SPATA17: variants seen among roughly 807,000 people sequenced by gnomAD.
The protein encoded by SPATA17 is spermatogenesis-associated protein 17.
Under a neutral mutation model 62.2 loss-of-function variants are expected in SPATA17, and 53 were observed. That is an observed-to-expected ratio of 0.85 (90% CI 0.68 to 1.07). The LOEUF is 1.07. Among genes scored for constraint, SPATA17 ranks in the 50% least tolerant of loss-of-function variants. SPATA17 has a pLI of 0.00. For synonymous variants in SPATA17, 146 were observed against 146.8 expected (o/e 0.99, Z 0.04); for missense variants, 466 against 425.5 (o/e 1.10, Z -0.84).
chr1:217,788,498 C>A (rs751242114), intron 8 of SPATA17, among the ~76,000 whole-genome samples: 4 of 151,980 alleles, frequency 2.6e-5, no homozygotes, highest in Non-Finnish European at 4.4e-5. Flanking sequence ...GGAGATTATC[C>A]TAGATTATCA....
At chr1:217,781,766 G>A (rs1293205950) in intron 7 of SPATA17, among the ~76,000 whole-genome samples, 1 of 152,058 alleles carries the variant, frequency 6.6e-6, no homozygotes, top group Non-Finnish European at 1.5e-5. Flanking sequence ...TTTATAGAAG[G>A]GCTGTTGGAA....
chr1:217,851,663 G>A (rs887192248), intron 9 of SPATA17, among the ~76,000 whole-genome samples: 4 of 152,136 alleles, frequency 2.6e-5, no homozygotes, highest in Non-Finnish European at 5.9e-5. Flanking sequence ...CCTGCTGTGA[G>A]ACTAATTTCT....
At chr1:217,853,819 T>C (rs1675717214) in intron 9 of SPATA17, among the ~76,000 whole-genome samples, 1 of 152,206 alleles carries the variant, frequency 6.6e-6, no homozygotes, top group Non-Finnish European at 1.5e-5. Flanking sequence ...CTATAACTCA[T>C]GCTTGAATGA....
At chr1:217,701,477 C>A (rs1425967312) in intron 5 of SPATA17, among the ~76,000 whole-genome samples, 1 of 151,832 alleles carries the variant, frequency 6.6e-6, no homozygotes, top group Non-Finnish European at 1.5e-5. Context: ...CCTCCACCTC[C>A]CAGGTTCAAG....
chr1:217,776,276 C>T (rs564501264), intron 7 of SPATA17, among the ~76,000 whole-genome samples: 5 of 152,214 alleles, frequency 3.3e-5, no homozygotes, highest in African/African-American at 9.6e-5. Flanking sequence ...GGTCTATCAT[C>T]CCAATCAATA....
chr1:217,703,292 C>A (rs909190516), intron 5 of SPATA17, among the ~76,000 whole-genome samples: 1 of 151,506 alleles, frequency 6.6e-6, no homozygotes, highest in Admixed American at 6.6e-5. Flanking sequence ...CTGCCTCAGC[C>A]TCCCGAGTAA....
intron 5 of SPATA17, among the ~76,000 whole-genome samples, chr1:217,690,773 AATG>A (rs1671335091): frequency 1.5e-5 from 2 of 131,164 alleles, no homozygotes; most frequent in South Asian, 5.2e-4. Context: ...GTTTACTGAG[AATG>A]ATGGTTTCCA....
chr1:217,811,025 C>A (rs537353833), intron 9 of SPATA17, among the ~76,000 whole-genome samples: 10 of 151,938 alleles, frequency 6.6e-5, no homozygotes, highest in Non-Finnish European at 1.0e-4. Flanking sequence ...TGTAGGTATT[C>A]TTTATTTATT....
chr1:217,794,142 A>G (rs1309959252), intron 8 of SPATA17, among the ~76,000 whole-genome samples: 1 of 151,784 alleles, frequency 6.6e-6, no homozygotes, highest in Non-Finnish European at 1.5e-5. Context: ...GAAAGAAAGA[A>G]AAAGAAAGAA....
chr1:217,661,822 A>G (rs540373361), intron 3 of SPATA17, among the ~76,000 whole-genome samples: 1 of 152,038 alleles, frequency 6.6e-6, no homozygotes, highest in Non-Finnish European at 1.5e-5. Flanking sequence ...CATTTTATGC[A>G]TGCTGAACTC....
rs780002135 is a variant in SPATA17 at position 217,651,191 on chromosome 1, T to C, written c.240+13T>C. Reference sequence around the variant, plus strand: ...ACTAACTGTGCAGGTAAATATAAAATGTACATATGTTAGCATTTGAATTGT... The same window carrying C: ...ACTAACTGTGCAGGTAAATATAAAACGTACATATGTTAGCATTTGAATTGT... On this transcript the variant is annotated intron_variant, in intron 3 of 10. Coordinates refer to ENST00000366933, the MANE Select transcript of SPATA17 (RefSeq NM_138796.4). 6 of 1,566,612 alleles carry C rather than the reference T, an allele frequency of 3.8e-6. No homozygotes were observed. The highest frequency in any genetic ancestry group is 3.5e-6 in the Non-Finnish European group (4 of 1,148,138).
intron 8 of SPATA17, among the ~76,000 whole-genome samples, chr1:217,792,919 GAAA>G (rs1031470830): frequency 3.9e-5 from 6 of 152,124 alleles, no homozygotes; most frequent in Admixed American, 3.9e-4. Context: ...ACTTATCTAA[GAAA>G]AAATATATAA....
chr1:217,639,920 T>G (rs1447317652), intron 1 of SPATA17, among the ~76,000 whole-genome samples: 3 of 152,086 alleles, frequency 2.0e-5, no homozygotes, highest in African/African-American at 2.4e-5. Flanking sequence ...GTTTCAGGTT[T>G]TTGCCGTGGC....
chr1:217,658,901 T>C (rs921878605), intron 3 of SPATA17, among the ~76,000 whole-genome samples: 20 of 152,192 alleles, frequency 1.3e-4, no homozygotes, highest in African/African-American at 4.6e-4. Context: ...GCTTCATTTC[T>C]TTCCCTGTGT....
intron 5 of SPATA17, among the ~76,000 whole-genome samples, chr1:217,706,416 A>T (rs903506615): frequency 6.6e-6 from 1 of 152,116 alleles, no homozygotes; most frequent in Non-Finnish European, 1.5e-5. Flanking sequence ...TGTAATCCCC[A>T]TGTGTTGAGG....
chr1:217,764,383 A>G (rs1673249261), intron 6 of SPATA17, among the ~76,000 whole-genome samples: 1 of 152,066 alleles, frequency 6.6e-6, no homozygotes, highest in Non-Finnish European at 1.5e-5. Context: ...TATGCATTTA[A>G]GGTTTCTGCA....
chr1:217,708,896 G>A (rs534104539), intron 5 of SPATA17, among the ~76,000 whole-genome samples: 18 of 152,042 alleles, frequency 1.2e-4, no homozygotes, highest in African/African-American at 4.3e-4. Context: ...ATCAATAAAT[G>A]TGATTCATTA....
At chr1:217,848,090 A>G (rs552466745) in intron 9 of SPATA17, among the ~76,000 whole-genome samples, 1 of 152,320 alleles carries the variant, frequency 6.6e-6, no homozygotes, top group Admixed American at 6.5e-5. Flanking sequence ...TAAGTGTCCA[A>G]GTAGAAAGGA....
intron 5 of SPATA17, among the ~76,000 whole-genome samples, chr1:217,710,658 G>GT (rs1014754036): frequency 9.2e-5 from 14 of 152,078 alleles, no homozygotes; most frequent in Middle Eastern, 3.4e-3. Context: ...TATTTGCTTT[G>GT]TTTTTATTAT....
Sources: gnomAD v4.1 joint callset for allele counts (sites outside exome capture counted in the v4.1 genomes callset) on GRCh38, gnomAD v4.1.1 for gene constraint, MANE v1.5 for transcripts, NCBI Gene and HGNC (gene_info 2026-07-23, HGNC 2026-07-21) for gene names.